The following ALCAM variants were observed in gnomAD, a reference collection of about 807,000 sequenced individuals.
ALCAM encodes the protein CD166 antigen.
Under a neutral mutation model 70.9 loss-of-function variants are expected in ALCAM, and 30 were observed. That is an observed-to-expected ratio of 0.42 (90% CI 0.32 to 0.57). ALCAM has a LOEUF of 0.57. ALCAM is among the 20% of genes least tolerant of loss of function. The pLI is 0.11. For missense variants in ALCAM, 591 were observed against 695.1 expected (o/e 0.85, Z 1.68); for synonymous variants, 249 against 242.5 (o/e 1.03, Z -0.25).
intron 1 of ALCAM, among the ~76,000 whole-genome samples, chr3:105,434,747 C>G (rs1937013534): frequency 6.6e-6 from 1 of 152,030 alleles, no homozygotes; most frequent in African/African-American, 2.4e-5. Context: ...TTTCTTAACT[C>G]ATGGGTAAGT....
chr3:105,556,279 T>G (rs1940515719), intron 14 of ALCAM, among the ~76,000 whole-genome samples: 1 of 151,990 alleles, frequency 6.6e-6, no homozygotes, highest in African/African-American at 2.4e-5. Flanking sequence ...GGACCATAAT[T>G]TCAAGGTTGG....
chr3:105,376,012 T>C (rs1341632860), intron 1 of ALCAM, among the ~76,000 whole-genome samples: 2 of 152,120 alleles, frequency 1.3e-5, no homozygotes, highest in Admixed American at 1.3e-4. Flanking sequence ...ATAAGAATAC[T>C]TTCACTTAGA....
rs765739761 is a variant in ALCAM at position 105,533,680 on chromosome 3, C to G, written c.537C>G (p.Pro179=). The change falls in exon 5 of 16, where the codon CCC becomes CCG. Residue 179 remains proline (P), a synonymous_variant. Transcript: ENST00000306107. ...TWYRNGKVLH[P]LEGAVVIIFK... The stretch of plus-strand genomic sequence containing the variant: ...ACAGGAATGGAAAAGTGCTACATCC[C>G]CTTGAAGGAGGTGGGTGTGAGGGCA... 2 of 1,610,926 alleles carry G rather than the reference C, an allele frequency of 1.2e-6. No individual in the cohort carries two copies. The highest frequency in any genetic ancestry group is 2.2e-5 in the South Asian group (2 of 90,882).
intron 1 of ALCAM, among the ~76,000 whole-genome samples, chr3:105,449,822 G>A (rs143978832): frequency 0.011 from 1,731 of 152,234 alleles, 11 homozygotes; most frequent in Middle Eastern, 0.024. Context: ...ATGAGAAATA[G>A]AGGGGGAAAA....
intron 1 of ALCAM, among the ~76,000 whole-genome samples, chr3:105,450,091 A>G (rs1287730120): frequency 6.6e-6 from 1 of 152,150 alleles, no homozygotes; most frequent in Admixed American, 6.5e-5. Context: ...CCATAATGTT[A>G]TTAATAATAG....
intron 8 of ALCAM, 115 bp from the exon 9 acceptor site, chr3:105,545,108 G>T: frequency 1.4e-6 from 1 of 730,248 alleles, no homozygotes; most frequent in East Asian, 2.7e-5. Context: ...AATCAGTTCT[G>T]AATGTTCAAA....
At chr3:105,368,906 G>T (rs1156537614) in intron 1 of ALCAM, among the ~76,000 whole-genome samples, 1 of 152,116 alleles carries the variant, frequency 6.6e-6, no homozygotes, top group Non-Finnish European at 1.5e-5. Flanking sequence ...TCTGGGGCGG[G>T]GACTGTGAAA....
intron 3 of ALCAM, chr3:105,525,195 T>C: frequency 3.0e-6 from 3 of 985,036 alleles, no homozygotes; most frequent in Non-Finnish European, 3.6e-6. Context: ...TTATGTGGGA[T>C]ACACCAAGGG....
intron 14 of ALCAM, 56 bp downstream of exon 14, chr3:105,552,641 C>T (rs1940437496): frequency 2.5e-6 from 4 of 1,608,656 alleles, no homozygotes; most frequent in East Asian, 2.2e-5. Context: ...GGAGAAAATA[C>T]AATGTGCTAA....
chr3:105,441,061 T>A (rs1197791389), intron 1 of ALCAM, among the ~76,000 whole-genome samples: 2 of 152,198 alleles, frequency 1.3e-5, no homozygotes, highest in East Asian at 3.9e-4. Context: ...CCTGAGCTAA[T>A]GTAAATTAAG....
intron 1 of ALCAM, among the ~76,000 whole-genome samples, chr3:105,492,888 A>G (rs1938626592): frequency 6.6e-6 from 1 of 152,230 alleles, no homozygotes; most frequent in African/African-American, 2.4e-5. Context: ...ACTTGACTTT[A>G]ATATAGTTTA....
At chr3:105,405,043 C>T (rs1477357051) in intron 1 of ALCAM, among the ~76,000 whole-genome samples, 5 of 151,938 alleles carry the variant, frequency 3.3e-5, no homozygotes, top group Middle Eastern at 3.4e-3. Context: ...TTTGGGAGAC[C>T]GAGGCAGGCA....
At chr3:105,489,746 T>G (rs1346571369) in intron 1 of ALCAM, among the ~76,000 whole-genome samples, 1 of 152,232 alleles carries the variant, frequency 6.6e-6, no homozygotes, top group Non-Finnish European at 1.5e-5. Context: ...TAAATACACA[T>G]TTTTATGCTG....
At chr3:105,396,135 A>G (rs1011096991) in intron 1 of ALCAM, among the ~76,000 whole-genome samples, 1 of 152,068 alleles carries the variant, frequency 6.6e-6, no homozygotes. Flanking sequence ...AATTAAATTA[A>G]TATTTATTAG....
intron 3 of ALCAM, among the ~76,000 whole-genome samples, chr3:105,529,940 C>T (rs565457055): frequency 1.2e-4 from 19 of 152,118 alleles, no homozygotes; most frequent in Middle Eastern, 3.4e-3. Flanking sequence ...CTTGGCAAAG[C>T]GACCCACCAA....
chr3:105,558,054 ACTGAG>A, intron 14 of ALCAM, among the ~76,000 whole-genome samples: 1 of 152,102 alleles, frequency 6.6e-6, no homozygotes, highest in Middle Eastern at 3.4e-3. Context: ...GACTCCTTCT[ACTGAG>A]CTGTGACCAA....
chr3:105,427,511 G>A (rs1272797075), intron 1 of ALCAM, among the ~76,000 whole-genome samples: 1 of 151,870 alleles, frequency 6.6e-6, no homozygotes, highest in East Asian at 1.9e-4. Flanking sequence ...ATTTAAAGGG[G>A]GAGGAAAAGA....
At chr3:105,444,573 T>C (rs73183107) in intron 1 of ALCAM, among the ~76,000 whole-genome samples, 24,535 of 152,008 alleles carry the variant, frequency 0.16, 2,234 homozygotes, top group East Asian at 0.37. Flanking sequence ...TAATATAAAA[T>C]CACTTTGAAA....
chr3:105,539,177 A>G (rs1940053814), intron 6 of ALCAM, among the ~76,000 whole-genome samples: 1 of 152,146 alleles, frequency 6.6e-6, no homozygotes. Flanking sequence ...TGTATTATCC[A>G]GCAACATAAC....
Sources: allele counts gnomAD v4.1 joint callset (sites outside exome capture counted in the v4.1 genomes callset), GRCh38; gene constraint gnomAD v4.1.1; transcripts MANE v1.5; gene names NCBI Gene and HGNC (gene_info 2026-07-23, HGNC 2026-07-21).